The following IQSEC1 variants were observed in gnomAD, a reference collection of about 807,000 sequenced individuals.
IQSEC1 encodes the protein IQ motif and SEC7 domain-containing protein 1.
In IQSEC1, 31 loss-of-function variants were observed where a neutral mutation model predicts 91.0. That is an observed-to-expected ratio of 0.34 (90% CI 0.26 to 0.46). IQSEC1 has a LOEUF of 0.46. Among genes scored for constraint, IQSEC1 ranks in the 20% least tolerant of loss-of-function variants. The pLI is 1.00. For missense variants in IQSEC1, 1,388 were observed against 1,575.6 expected (o/e 0.88, Z 2.02); for synonymous variants, 699 against 662.6 (o/e 1.05, Z -0.84).
rs1701851600 is a variant in IQSEC1, at chr3:12,988,638, A to AT, written c.24-46774dup. 3.3e-5 allele frequency among the ~76,000 whole-genome samples: 5 copies of AT among 152,300 alleles called. No individual in the cohort carries two copies. The South Asian group carries it at 1.0e-3, about 32-fold the overall frequency. ...CGACAGGAAGGGCAAGAGGGACATT[A>AT]TTAGCACAAAGTCAGGATGACGACA... On this transcript the variant is annotated intron_variant, in intron 1 of 13. Coordinates refer to ENST00000613206, the MANE Select transcript of IQSEC1 (RefSeq NM_001134382.3).
Position 12,899,398 on chromosome 3 carries a change from A to G in IQSEC1, c.*1585T>C. 1.2e-6 allele frequency: 2 copies of G among 1,613,150 alleles called. No homozygotes were observed. The highest frequency in any genetic ancestry group is 1.7e-6 in the Non-Finnish European group (2 of 1,179,852). Reference sequence around the variant, plus strand: ...TCCTCGGGTCCCATGGCTTAGGAGCACAGCACTGACGGCTGCAGTGGCTCG... The same window carrying G: ...TCCTCGGGTCCCATGGCTTAGGAGCGCAGCACTGACGGCTGCAGTGGCTCG... On this transcript the variant is annotated 3_prime_UTR_variant, in exon 14 of 14. Transcript: ENST00000613206.
At chr3:12,901,645 GC>G in intron 13 of IQSEC1, 123 bp from the exon 14 acceptor site, 1 of 822,392 alleles carries the variant, frequency 1.2e-6, no homozygotes, top group Non-Finnish European at 1.9e-6. Context: ...CAACTCACTG[GC>G]CAGAGGGTGG....
intron 1 of IQSEC1, among the ~76,000 whole-genome samples, chr3:13,223,676 C>G (rs1388569810): frequency 6.6e-6 from 1 of 152,326 alleles, no homozygotes; most frequent in East Asian, 1.9e-4. Flanking sequence ...AAGAGACACA[C>G]TGGGGACATG....
At chr3:13,063,359 G>A (rs1258323705) in intron 1 of IQSEC1, among the ~76,000 whole-genome samples, 1 of 152,242 alleles carries the variant, frequency 6.6e-6, no homozygotes, top group East Asian at 1.9e-4. Flanking sequence ...TTAGTTGACT[G>A]GTCCATTTTT....
chr3:13,058,738 G>A (rs1576223570), intron 1 of IQSEC1, among the ~76,000 whole-genome samples: 3 of 152,326 alleles, frequency 2.0e-5, no homozygotes, highest in Admixed American at 6.5e-5. Context: ...GGAAGGAGCT[G>A]GAAAGCTCGG....
At chr3:13,134,165 G>A (rs1281554446) in intron 2 of IQSEC1, among the ~76,000 whole-genome samples, 1 of 152,242 alleles carries the variant, frequency 6.6e-6, no homozygotes, top group African/African-American at 2.4e-5. Flanking sequence ...GATGGAGGGT[G>A]TGGATAGCAT....
chr3:13,136,609 G>T (rs1440660058), intron 2 of IQSEC1, among the ~76,000 whole-genome samples: 2 of 152,190 alleles, frequency 1.3e-5, no homozygotes, highest in African/African-American at 4.8e-5. Context: ...GATTACAAAG[G>T]CTAATCGGGC....
intron 1 of IQSEC1, among the ~76,000 whole-genome samples, chr3:13,199,413 T>C (rs962462797): frequency 9.2e-5 from 14 of 152,268 alleles, no homozygotes; most frequent in Non-Finnish European, 1.8e-4. Flanking sequence ...ACAGGGGCCG[T>C]CCAGGGACAT....
rs1053120003 is a variant in IQSEC1, at chr3:13,130,674, C to T, written c.302+33430G>A. Among the ~76,000 whole-genome samples, 7 of 152,110 alleles carry T rather than the reference C, an allele frequency of 4.6e-5. 1 individual carries two copies. On this transcript the variant is annotated intron_variant, in intron 2 of 15. Coordinates refer to the IQSEC1 transcript ENST00000648114. ...GGCACTGGCTGGGATTACTGGCTCACGCCTGTAATCCCAACACTTTGGGAG... is the reference window on the plus strand; with the variant it reads ...GGCACTGGCTGGGATTACTGGCTCATGCCTGTAATCCCAACACTTTGGGAG...
intron 2 of IQSEC1, among the ~76,000 whole-genome samples, chr3:13,141,457 C>T (rs1025528526): frequency 6.6e-6 from 1 of 152,144 alleles, no homozygotes; most frequent in Admixed American, 6.5e-5. Context: ...TCTTGTGTTC[C>T]CTGGGTTCTC....
Position 13,122,572 on chromosome 3 carries a change from G to A in IQSEC1, c.302+41532C>T, listed in dbSNP as rs375632607. On this transcript the variant is annotated intron_variant, in intron 2 of 15. Coordinates refer to the IQSEC1 transcript ENST00000648114. Reference sequence around the variant, plus strand: ...CTAAACTCCACCCCAGGAGACACACGGAGTGAGGTAGGGGCAGTGTGTGGC... The same window carrying A: ...CTAAACTCCACCCCAGGAGACACACAGAGTGAGGTAGGGGCAGTGTGTGGC... Among the ~76,000 whole-genome samples the A allele has an allele frequency of 8.1e-4, 124 of 152,258 alleles. 1 individual carries two copies. Among genetic ancestry groups the A allele is most frequent in the Middle Eastern group, 3.4e-3 (1 of 294 alleles).
chr3:13,176,113 C>T lies in IQSEC1; in HGVS notation c.273-11980G>A, dbSNP rs150539611. On this transcript the variant is annotated intron_variant, in intron 1 of 15. Coordinates refer to the IQSEC1 transcript ENST00000648114. Reference sequence around the variant, plus strand: ...GGACACTCAAGCAACCTATGGAGAGCTCCACGTTGCTCTCCTGGAGCAACT... The same window carrying T: ...GGACACTCAAGCAACCTATGGAGAGTTCCACGTTGCTCTCCTGGAGCAACT... Among the ~76,000 whole-genome samples the T allele has an allele frequency of 6.6e-5, 10 of 152,324 alleles. No homozygotes were observed. In the East Asian group the frequency reaches 1.9e-3, roughly 29 times the overall value.
intron 12 of IQSEC1, among the ~76,000 whole-genome samples, chr3:12,903,049 CAA>C (rs774361090): frequency 6.7e-6 from 1 of 149,558 alleles, no homozygotes; most frequent in Non-Finnish European, 1.5e-5. Context: ...TTTCGAAAAG[CAA>C]AAAAAAAATT....
At chr3:13,063,026 C>T (rs1201791126) in intron 1 of IQSEC1, among the ~76,000 whole-genome samples, 1 of 152,236 alleles carries the variant, frequency 6.6e-6, no homozygotes, top group Non-Finnish European at 1.5e-5. Flanking sequence ...GCATCTCTGG[C>T]GCAGCCCCAG....
chr3:12,928,178 GAC>G (rs1346451029), intron 3 of IQSEC1, among the ~76,000 whole-genome samples: 1 of 151,428 alleles, frequency 6.6e-6, no homozygotes, highest in Non-Finnish European at 1.5e-5. Context: ...CCGGGTTGAG[GAC>G]ACAGTCTGAG....
intron 1 of IQSEC1, among the ~76,000 whole-genome samples, chr3:13,202,309 T>C (rs1279762736): frequency 6.6e-6 from 1 of 152,152 alleles, no homozygotes; most frequent in Non-Finnish European, 1.5e-5. Context: ...TGGGTATATA[T>C]AGGAAAGAAA....
intron 2 of IQSEC1, among the ~76,000 whole-genome samples, chr3:13,104,533 T>G (rs2686749): frequency 3.9e-5 from 6 of 152,058 alleles, no homozygotes; most frequent in Non-Finnish European, 5.9e-5. Flanking sequence ...TTTCCACCGC[T>G]GACCCAGCAC....
Position 12,900,989 on chromosome 3 carries a change from A to C in IQSEC1, c.3339T>G (p.Ile1113Met). ...SKAKPSGIST[I>M]V ...GGACCCCTACCCAGGCTGTCTACACAATTGTGCTGATGCCGCTGGGTTTGG... is the reference window on the plus strand; with the variant it reads ...GGACCCCTACCCAGGCTGTCTACACCATTGTGCTGATGCCGCTGGGTTTGG... Residue 1113 changes from isoleucine to methionine, a missense_variant, in exon 14 of 14, where the codon ATT (isoleucine) becomes ATG (methionine). By Grantham distance (10) the Ile-to-Met change is conservative. Around this residue, in one of 2 missense-constraint regions of IQSEC1, gnomAD observed 329 missense variants for 257.8 expected, o/e 1.28. Coordinates refer to ENST00000613206, the MANE Select transcript of IQSEC1 (RefSeq NM_001134382.3). 2 of 1,544,484 alleles carry C rather than the reference A, an allele frequency of 1.3e-6. No individual in the cohort carries two copies. The highest frequency in any genetic ancestry group is 1.7e-6 in the Non-Finnish European group (2 of 1,146,720).
At chr3:13,069,544 G>A (rs182503473) in intron 1 of IQSEC1, among the ~76,000 whole-genome samples, 5 of 152,296 alleles carry the variant, frequency 3.3e-5, no homozygotes, top group African/African-American at 7.2e-5. Flanking sequence ...TGCCTCCTGC[G>A]GGGGCCGGCA....
Sources: allele counts gnomAD v4.1 joint callset (sites outside exome capture counted in the v4.1 genomes callset), GRCh38; gene constraint gnomAD v4.1.1; regional missense constraint gnomAD v4.1.1; transcripts MANE v1.5; gene names NCBI Gene and HGNC (gene_info 2026-07-23, HGNC 2026-07-21).